CORO2B: variants seen among roughly 807,000 people sequenced by gnomAD.
CORO2B encodes coronin-2B.
A neutral mutation model predicts 58.8 loss-of-function variants in CORO2B; 26 were observed. That is an observed-to-expected ratio of 0.44 (90% confidence interval 0.32 to 0.61). The LOEUF (loss-of-function observed/expected upper bound fraction) is 0.61, where lower values mean the gene tolerates loss of function less well. Ranked by LOEUF, CORO2B falls within the 20% of genes least tolerant of loss-of-function variation. The pLI is 0.04. For missense variants in CORO2B, 460 were observed against 645.1 expected, an observed-to-expected ratio of 0.71 and a Z score of 3.11; for synonymous variants, 242 against 253.8, an observed-to-expected ratio of 0.95 and a Z score of 0.44.
At chr15:68,550,676 T>G in the CORO2B span, among the ~76,000 whole-genome samples, 5 of 152,210 alleles carry the variant, frequency 3.3e-5, no homozygotes, top group Admixed American at 3.3e-4. Context: ...ACCCAGAATG[T>G]CCAGCAGGTG....
chr15:68,568,185 C>T, the CORO2B span, among the ~76,000 whole-genome samples: 14 of 152,260 alleles, frequency 9.2e-5, no homozygotes, highest in Middle Eastern at 3.4e-3. Context: ...CTGAGTCTTC[C>T]GGAACCTGCT....
At chr15:68,606,239 T>TC (rs1900121265) in intron 1 of CORO2B, among the ~76,000 whole-genome samples, 1 of 152,024 alleles carries the variant, frequency 6.6e-6, no homozygotes, top group Non-Finnish European at 1.5e-5. Flanking sequence ...AGCCTGTAGA[T>TC]AGTGTTTAAA....
the CORO2B span, among the ~76,000 whole-genome samples, chr15:68,565,448 T>C: frequency 6.6e-6 from 1 of 151,772 alleles, no homozygotes; most frequent in African/African-American, 2.4e-5. Flanking sequence ...GACTCATTTC[T>C]GCTCCACAGG....
chr15:68,544,418 C>T, the CORO2B span, among the ~76,000 whole-genome samples: 1 of 152,178 alleles, frequency 6.6e-6, no homozygotes, highest in East Asian at 1.9e-4. Context: ...CACTAAGATT[C>T]ATCCATGCCC....
chr15:68,549,704 C>T, the CORO2B span, among the ~76,000 whole-genome samples: 2 of 152,106 alleles, frequency 1.3e-5, no homozygotes, highest in African/African-American at 4.8e-5. Flanking sequence ...TTTGGGAGGC[C>T]GAGGTGGGCA....
chr15:68,539,909 C>T, the CORO2B span, among the ~76,000 whole-genome samples: 3 of 152,292 alleles, frequency 2.0e-5, no homozygotes, highest in Admixed American at 1.3e-4. Context: ...GTCAATCTAT[C>T]GTGGTATGTT....
chr15:68,656,578 A>T (rs887751136), intron 2 of CORO2B, among the ~76,000 whole-genome samples: 1 of 151,918 alleles, frequency 6.6e-6, no homozygotes, highest in Non-Finnish European at 1.5e-5. Flanking sequence ...GAACCATCCC[A>T]TTTCCCACTC....
intron 2 of CORO2B, among the ~76,000 whole-genome samples, chr15:68,662,357 A>G (rs979928641): frequency 1.3e-5 from 2 of 152,256 alleles, no homozygotes; most frequent in African/African-American, 2.4e-5. Flanking sequence ...CAATGAGATA[A>G]GGTATTTTGA....
At chr15:68,565,338 CAT>C in the CORO2B span, among the ~76,000 whole-genome samples, 30 of 151,034 alleles carry the variant, frequency 2.0e-4, no homozygotes, top group East Asian at 5.8e-4. Context: ...TATTGGCATG[CAT>C]ATATATATGC....
At chr15:68,541,840 T>TTGGAGTTCTCCGTCTGTG in the CORO2B span, among the ~76,000 whole-genome samples, 1 of 152,170 alleles carries the variant, frequency 6.6e-6, no homozygotes, top group Non-Finnish European at 1.5e-5. Context: ...TGGTGGCTCT[T>TTGGAGTTCTCCGTCTGTG]TGGAGTTCTC....
chr15:68,634,136 T>C lies in CORO2B; in HGVS notation c.16-11024T>C, dbSNP rs537177858. Among the ~76,000 whole-genome samples, 504 of 152,270 alleles carry C rather than the reference T, an allele frequency of 3.3e-3. 1 individual carries two copies. The highest frequency in any genetic ancestry group is 5.6e-3 in the Non-Finnish European group (378 of 68,004). On this transcript the variant is annotated intron_variant, in intron 1 of 11. Coordinates refer to ENST00000261861, the MANE Select transcript of CORO2B (RefSeq NM_006091.5). ...TCACCTACCAAGAAGCCGGAGGCCA[T>C]GAAGGAGGGGGTGAGGAGTAGGACC... is the stretch of plus-strand genomic sequence containing the variant.
At chr15:68,628,470 A>G (rs1376138719) in intron 1 of CORO2B, among the ~76,000 whole-genome samples, 1 of 152,264 alleles carries the variant, frequency 6.6e-6, no homozygotes, top group Non-Finnish European at 1.5e-5. Context: ...ACACGTAGCA[A>G]GTACAACACT....
At chr15:68,695,662 G>C (rs554789904) in intron 3 of CORO2B, among the ~76,000 whole-genome samples, 1 of 152,292 alleles carries the variant, frequency 6.6e-6, no homozygotes, top group South Asian at 2.1e-4. Flanking sequence ...GCTGGGCAGG[G>C]TAAATGTACC....
intron 1 of CORO2B, chr15:68,641,370 C>T (rs1462302969): frequency 4.8e-6 from 1 of 209,718 alleles, no homozygotes; most frequent in Admixed American, 6.5e-5. Context: ...AGTGTGCCCA[C>T]CAGAGCCTTC....
chr15:68,613,659 G>A (rs1435156193), intron 1 of CORO2B, among the ~76,000 whole-genome samples: 2 of 152,182 alleles, frequency 1.3e-5, no homozygotes, highest in African/African-American at 2.4e-5. Flanking sequence ...GAATTAAACA[G>A]GGGTTATCAA....
chr15:68,634,153 A>T (rs539347756), intron 1 of CORO2B, among the ~76,000 whole-genome samples: 97 of 152,334 alleles, frequency 6.4e-4, no homozygotes, highest in African/African-American at 2.3e-3. Context: ...GGGGGTGAGG[A>T]GTAGGACCTG....
At chr15:68,533,937 T>G in the CORO2B span, among the ~76,000 whole-genome samples, 1 of 152,190 alleles carries the variant, frequency 6.6e-6, no homozygotes, top group Non-Finnish European at 1.5e-5. Flanking sequence ...TGCCTCTCTG[T>G]AGCTTCCAGG....
chr15:68,716,509 C>A (rs1368702442), intron 8 of CORO2B, among the ~76,000 whole-genome samples: 1 of 152,204 alleles, frequency 6.6e-6, no homozygotes, highest in Admixed American at 6.5e-5. Flanking sequence ...CATGGCCTTA[C>A]TCTCATGGAG....
intron 2 of CORO2B, among the ~76,000 whole-genome samples, chr15:68,679,918 C>A (rs1200230748): frequency 1.3e-5 from 2 of 152,198 alleles, no homozygotes; most frequent in Non-Finnish European, 2.9e-5. Context: ...CTTACATATC[C>A]CTGATGGAGC....
Sources: allele counts gnomAD v4.1 joint callset (sites outside exome capture counted in the v4.1 genomes callset), GRCh38; gene constraint gnomAD v4.1.1; transcripts MANE v1.5; gene names NCBI Gene and HGNC (gene_info 2026-07-23, HGNC 2026-07-21).